Variants in RAPGEF2 observed in about 807,000 individuals in gnomAD.
The protein encoded by RAPGEF2 is PDZ domain containing guanine nucleotide exchange factor (GEF) 1.
RAPGEF2 carries 54 observed loss-of-function variants against 186.7 expected under a neutral mutation model. That is an observed-to-expected ratio of 0.29 (90% CI 0.23 to 0.36). RAPGEF2 has a LOEUF of 0.36. Ranked by LOEUF, RAPGEF2 falls within the 10% of genes least tolerant of loss-of-function variation. RAPGEF2 has a pLI of 1.00. For synonymous variants in RAPGEF2, 712 were observed against 705.9 expected (o/e 1.01, Z -0.14); for missense variants, 1,532 against 2,045.0 (o/e 0.75, Z 4.84).
chr4:159,204,813 C>T (rs1448301067), intron 3 of RAPGEF2, among the ~76,000 whole-genome samples: 1 of 152,172 alleles, frequency 6.6e-6, no homozygotes, highest in Non-Finnish European at 1.5e-5. Context: ...ATTTGGTCTT[C>T]TGTAAGCGTG....
At chr4:159,213,429 G>A (rs912818684) in intron 4 of RAPGEF2, among the ~76,000 whole-genome samples, 1 of 152,164 alleles carries the variant, frequency 6.6e-6, no homozygotes, top group Non-Finnish European at 1.5e-5. Flanking sequence ...AGTCAACCAA[G>A]CATTCTCTTG....
At chr4:159,242,549 C>A (rs1469496566) in intron 6 of RAPGEF2, among the ~76,000 whole-genome samples, 2 of 151,908 alleles carry the variant, frequency 1.3e-5, no homozygotes, top group Non-Finnish European at 2.9e-5. Flanking sequence ...CCTGACTACT[C>A]CTCTTGCTAC....
chr4:159,121,149 G>C (rs1049948411), intron 1 of RAPGEF2, among the ~76,000 whole-genome samples: 3 of 151,782 alleles, frequency 2.0e-5, no homozygotes, highest in African/African-American at 7.3e-5. Flanking sequence ...TTCTGCACCC[G>C]GCCGATCTTT....
rs529020870 is a variant in RAPGEF2, at chr4:159,135,944, C to G, written c.69+31713C>G. On this transcript the variant is annotated intron_variant, in intron 1 of 29. Coordinates refer to ENST00000691494, the MANE Select transcript of RAPGEF2 (RefSeq NM_001394067.2). ...AAATTTAGATTTACAGAAAAATTGC[C>G]AAAATAGTACAGAGAGTTTCCATAT... Among the ~76,000 whole-genome samples the G allele has an allele frequency of 2.7e-3, 409 of 152,258 alleles. 2 individuals are homozygous for G. Among genetic ancestry groups the G allele is most frequent in the Non-Finnish European group, 5.1e-3 (346 of 68,018 alleles).
At chr4:159,282,613 CT>C in intron 7 of RAPGEF2, 1 of 445,338 alleles carries the variant, frequency 2.2e-6, no homozygotes, top group Non-Finnish European at 4.5e-6. Flanking sequence ...TTTTTCTTGC[CT>C]TTTCTAACGA....
intron 29 of RAPGEF2, among the ~76,000 whole-genome samples, chr4:159,356,410 G>A (rs1732018739): frequency 6.6e-6 from 1 of 152,064 alleles, no homozygotes; most frequent in African/African-American, 2.4e-5. Flanking sequence ...AAAATACAGT[G>A]TGTATATAAC....
chr4:159,318,873 A>G (rs908078752), intron 9 of RAPGEF2, among the ~76,000 whole-genome samples: 4 of 152,190 alleles, frequency 2.6e-5, no homozygotes, highest in African/African-American at 7.2e-5. Flanking sequence ...GGGTTTTTTT[A>G]TAATGGTACA....
intron 5 of RAPGEF2, among the ~76,000 whole-genome samples, chr4:159,240,031 A>G (rs750804007): frequency 6.6e-6 from 1 of 152,210 alleles, no homozygotes. Flanking sequence ...AGAAAGTAGC[A>G]TAGTAATGGT....
rs1303602257 is a variant in RAPGEF2 at position 159,322,451 on chromosome 4, G to A, written c.958G>A (p.Ala320Thr). ...AVMVFAVVER[A>T]GTIVLNDGEE... is the part of the protein sequence containing the mutation. ...GATGGTGTTCGCAGTGGTGGAAAGA[G>A]CAGGGACCATAGTGTTAAATGATGG... The change falls in exon 10 of 30, where the codon GCA (alanine) becomes ACA (threonine). Residue 320 changes from alanine (A) to threonine (T), a missense_variant. By Grantham distance (58) the Ala-to-Thr change is moderately conservative. Coordinates refer to ENST00000691494, the MANE Select transcript of RAPGEF2 (RefSeq NM_001394067.2). The A allele has an allele frequency of 1.2e-6, 2 of 1,613,938 alleles. No homozygotes were observed. Among genetic ancestry groups the A allele is most frequent in the East Asian group, 4.5e-5 (2 of 44,856 alleles).
At chr4:159,279,519 A>G (rs1167231605) in intron 7 of RAPGEF2, among the ~76,000 whole-genome samples, 1 of 152,246 alleles carries the variant, frequency 6.6e-6, no homozygotes, top group African/African-American at 2.4e-5. Context: ...CGTAACTGCT[A>G]CCATCCCTGA....
intron 7 of RAPGEF2, among the ~76,000 whole-genome samples, chr4:159,295,720 A>AGAGTGT (rs373050400): frequency 1.5e-5 from 2 of 134,630 alleles, no homozygotes; most frequent in African/African-American, 5.6e-5. Flanking sequence ...AGAGTGTGTG[A>AGAGTGT]GTGTGTGTGT....
intron 29 of RAPGEF2, among the ~76,000 whole-genome samples, chr4:159,357,802 G>T (rs1412280349): frequency 6.6e-6 from 1 of 152,058 alleles, no homozygotes; most frequent in African/African-American, 2.4e-5. Context: ...GTATCTGATC[G>T]TATATTTTTT....
Position 159,103,538 on chromosome 4 carries a change from C to A in RAPGEF2, c.-625C>A. ...GACCAGGAGCGGCGGCCGAGGCGAT[C>A]GGGCTTCGCAGCGCCCGGACCTGAG... On this transcript the variant is annotated 5_prime_UTR_variant, in exon 1 of 30. Coordinates refer to ENST00000691494, the MANE Select transcript of RAPGEF2 (RefSeq NM_001394067.2). The A allele has an allele frequency of 6.5e-6, 1 of 153,442 alleles. No individual in the cohort carries two copies. The highest frequency in any genetic ancestry group is 1.8e-4 in the South Asian group (1 of 5,640). 9.5% of individuals were successfully genotyped at this position (153,442 alleles called of 1,614,324 possible). A position where few individuals can be genotyped will look rare whatever the true frequency, so the allele number is the denominator to read the frequency against.
intron 25 of RAPGEF2, 68 bp downstream of exon 25, chr4:159,347,066 A>G (rs1730425839): frequency 7.1e-7 from 1 of 1,399,272 alleles, no homozygotes; most frequent in East Asian, 2.3e-5. Flanking sequence ...TAGGAAAAAA[A>G]TATTTGTCTT....
At chr4:159,277,900 C>A (rs1158611287) in intron 7 of RAPGEF2, among the ~76,000 whole-genome samples, 2 of 152,116 alleles carry the variant, frequency 1.3e-5, no homozygotes, top group Non-Finnish European at 2.9e-5. Flanking sequence ...ATGGTAGTTT[C>A]TTTTGCTGTG....
intron 1 of RAPGEF2, among the ~76,000 whole-genome samples, chr4:159,136,936 A>G (rs1025064917): frequency 6.6e-6 from 1 of 152,204 alleles, no homozygotes; most frequent in Admixed American, 6.5e-5. Context: ...GAAAAGTGCC[A>G]TCCTTGATCC....
chr4:159,128,938 GTGTGTGTATATATA>G (rs1489749901), intron 1 of RAPGEF2: 3 of 145,218 alleles, frequency 2.1e-5, no homozygotes, highest in African/African-American at 7.7e-5. Context: ...GTGTGTGTGT[GTGTGTGTATATATA>G]TATATATATA....
At chr4:159,116,355 G>A (rs1021120367) in intron 1 of RAPGEF2, among the ~76,000 whole-genome samples, 1 of 152,216 alleles carries the variant, frequency 6.6e-6, no homozygotes, top group African/African-American at 2.4e-5. Context: ...CTGATGATTA[G>A]AGAAATGCAA....
chr4:159,340,666 ACC>A (rs1729273228), intron 19 of RAPGEF2, among the ~76,000 whole-genome samples: 1 of 84,310 alleles, frequency 1.2e-5, no homozygotes, highest in Non-Finnish European at 2.6e-5. Flanking sequence ...CACCACCATC[ACC>A]ACACACACAC....
Sources: gnomAD v4.1 joint callset for allele counts (sites outside exome capture counted in the v4.1 genomes callset) on GRCh38, gnomAD v4.1.1 for gene constraint, MANE v1.5 for transcripts, NCBI Gene and HGNC (gene_info 2026-07-23, HGNC 2026-07-21) for gene names.